Variants in RBFOX3 observed in about 807,000 individuals in gnomAD.
The protein encoded by RBFOX3 is RNA binding protein fox-1 homolog 3.
A neutral mutation model predicts 48.7 loss-of-function variants in RBFOX3; 17 were observed. The observed-to-expected ratio is 0.35, with a 90% CI of 0.24 to 0.52. RBFOX3 has a LOEUF of 0.52. Ranked by LOEUF, RBFOX3 falls within the 20% of genes least tolerant of loss-of-function variation. The probability of loss-of-function intolerance (pLI) is 0.94; values close to 1 mark genes in which losing one functional copy is unlikely to be tolerated. For synonymous variants in RBFOX3, 212 were observed against 209.5 expected, an observed-to-expected ratio of 1.01 and a Z score of -0.10; for missense variants, 382 against 497.5, an observed-to-expected ratio of 0.77 and a Z score of 2.21.
intron 14 of RBFOX3, among the ~76,000 whole-genome samples, chr17:79,093,122 G>A (rs565083014): frequency 6.6e-6 from 1 of 152,314 alleles, no homozygotes; most frequent in Non-Finnish European, 1.5e-5. Context: ...TGGGCATAGT[G>A]TTCAGAGCCT....
chr17:79,440,927 C>T (rs1278580521), intron 2 of RBFOX3, among the ~76,000 whole-genome samples: 4 of 152,200 alleles, frequency 2.6e-5, no homozygotes, highest in Non-Finnish European at 4.4e-5. Context: ...GCCCAGCCCT[C>T]GCACGGTGAG....
intron 3 of RBFOX3, among the ~76,000 whole-genome samples, chr17:79,270,044 C>T (rs373598921): frequency 1.4e-4 from 22 of 152,204 alleles, no homozygotes; most frequent in African/African-American, 4.3e-4. Flanking sequence ...TCCCCCTCTG[C>T]GAATCACTCC....
At chr17:79,575,788 A>G (rs1244811301) in intron 1 of RBFOX3, among the ~76,000 whole-genome samples, 1 of 152,320 alleles carries the variant, frequency 6.6e-6, no homozygotes, top group South Asian at 2.1e-4. Flanking sequence ...CCTAGGCCCA[A>G]CACATGCTAT....
intron 3 of RBFOX3, among the ~76,000 whole-genome samples, chr17:79,282,357 C>G (rs1478413877): frequency 6.6e-6 from 1 of 152,190 alleles, no homozygotes; most frequent in Non-Finnish European, 1.5e-5. Flanking sequence ...ATGTTTTTCC[C>G]CTAAGGGATT....
At chr17:79,643,371 A>T in the RBFOX3 span, among the ~76,000 whole-genome samples, 101 of 152,314 alleles carry the variant, frequency 6.6e-4, no homozygotes, top group African/African-American at 2.4e-3. Flanking sequence ...AAATTCTAAC[A>T]CCCCTCTCTT....
chr17:79,560,284 A>G (rs1278799098), intron 1 of RBFOX3, among the ~76,000 whole-genome samples: 1 of 152,134 alleles, frequency 6.6e-6, no homozygotes, highest in Admixed American at 6.5e-5. Context: ...AAAGCCTAAG[A>G]ATGCCCAGCT....
At chr17:79,181,470 G>A (rs1032801683) in intron 4 of RBFOX3, among the ~76,000 whole-genome samples, 3 of 152,200 alleles carry the variant, frequency 2.0e-5, no homozygotes, top group Non-Finnish European at 4.4e-5. Flanking sequence ...TGGGAATTTA[G>A]GGCAATGGCC....
At chr17:79,208,859 A>G (rs1468712177) in intron 4 of RBFOX3, among the ~76,000 whole-genome samples, 1 of 150,786 alleles carries the variant, frequency 6.6e-6, no homozygotes, top group African/African-American at 2.4e-5. Flanking sequence ...TCCGTCGCCC[A>G]GGCTGGAGTG....
At chr17:79,433,085 G>C (rs550885275) in intron 2 of RBFOX3, among the ~76,000 whole-genome samples, 1 of 152,172 alleles carries the variant, frequency 6.6e-6, no homozygotes, top group Non-Finnish European at 1.5e-5. Context: ...AAGCTTGCCT[G>C]TGTCACCACC....
In RBFOX3 at chr17:79,090,708, G is replaced by T; in HGVS notation, c.*175C>A. Reference sequence around the variant, plus strand: ...GCGCCCCTGCCGGCGTGCTCCCTCGGTGCGGGCGTGTGGCCAGGACGCGGG... The same window carrying T: ...GCGCCCCTGCCGGCGTGCTCCCTCGTTGCGGGCGTGTGGCCAGGACGCGGG... On this transcript the variant is annotated 3_prime_UTR_variant, in exon 15 of 15. Coordinates refer to ENST00000693108, the MANE Select transcript of RBFOX3 (RefSeq NM_001350451.2). The T allele has an allele frequency of 1.3e-6, 1 of 798,394 alleles. No homozygotes were observed. Among genetic ancestry groups the T allele is most frequent in the Non-Finnish European group, 2.0e-6 (1 of 510,984 alleles). The allele number at this position is 798,394 out of a possible 1,614,324, so 49.5% of individuals were successfully genotyped here.
In RBFOX3 at chr17:79,354,137, T is replaced by C. The variant is rs184499160; in HGVS notation, c.-174-46313A>G. On this transcript the variant is annotated intron_variant, in intron 2 of 14. Coordinates refer to ENST00000693108, the MANE Select transcript of RBFOX3 (RefSeq NM_001350451.2). ...AACCGCCTCCAGAGGGTCCATCAGT[T>C]CAATGGGTGAACTATACGGACAACG... 2.5e-3 allele frequency among the ~76,000 whole-genome samples: 376 copies of C among 152,228 alleles called. 1 individual carries two copies. The highest frequency in any genetic ancestry group is 8.6e-3 in the African/African-American group (357 of 41,524).
chr17:79,306,487 T>C (rs1184470949), intron 3 of RBFOX3, among the ~76,000 whole-genome samples: 1 of 152,202 alleles, frequency 6.6e-6, no homozygotes, highest in Non-Finnish European at 1.5e-5. Flanking sequence ...CCCTCCCTGC[T>C]TTGTTCCTGG....
intron 2 of RBFOX3, among the ~76,000 whole-genome samples, chr17:79,475,635 G>A (rs1328982223): frequency 3.3e-5 from 5 of 152,154 alleles, no homozygotes; most frequent in African/African-American, 4.8e-5. Context: ...GAAGAGGAGG[G>A]GAATGAGAAC....
At chr17:79,400,072 C>T (rs773497902) in intron 2 of RBFOX3, among the ~76,000 whole-genome samples, 2 of 152,124 alleles carry the variant, frequency 1.3e-5, no homozygotes, top group Non-Finnish European at 2.9e-5. Flanking sequence ...CCCCTGGGAT[C>T]AGGATCGGAG....
chr17:79,548,235 G>A (rs1473339330), intron 1 of RBFOX3, among the ~76,000 whole-genome samples: 1 of 152,170 alleles, frequency 6.6e-6, no homozygotes, highest in Non-Finnish European at 1.5e-5. Flanking sequence ...CCACCCAGGA[G>A]GGCCCAGCCT....
chr17:79,181,936 C>A (rs1268928723), intron 4 of RBFOX3, among the ~76,000 whole-genome samples: 1 of 151,774 alleles, frequency 6.6e-6, no homozygotes, highest in East Asian at 2.0e-4. Context: ...GGCCCAGACC[C>A]CTGGAGTCTC....
intron 1 of RBFOX3, among the ~76,000 whole-genome samples, chr17:79,527,356 C>T (rs930645001): frequency 3.3e-5 from 5 of 152,210 alleles, no homozygotes; most frequent in Admixed American, 6.5e-5. Context: ...TTTTTGGAAA[C>T]GCCCATCCTG....
At chr17:79,244,939 CTT>C (rs1467482635) in intron 3 of RBFOX3, among the ~76,000 whole-genome samples, 1 of 148,776 alleles carries the variant, frequency 6.7e-6, no homozygotes, top group African/African-American at 2.5e-5. Flanking sequence ...CCATTCCTTC[CTT>C]TTTTCTTTTC....
chr17:79,394,323 C>G (rs1336418651), intron 2 of RBFOX3, among the ~76,000 whole-genome samples: 1 of 152,226 alleles, frequency 6.6e-6, no homozygotes, highest in Non-Finnish European at 1.5e-5. Flanking sequence ...GACACTCACT[C>G]CCCACAGTGC....
Sources: allele counts gnomAD v4.1 joint callset (sites outside exome capture counted in the v4.1 genomes callset), GRCh38; gene constraint gnomAD v4.1.1; transcripts MANE v1.5; gene names NCBI Gene and HGNC (gene_info 2026-07-23, HGNC 2026-07-21).